The following SEMA5A variants were observed in gnomAD, a reference collection of about 807,000 sequenced individuals.
The protein encoded by SEMA5A is semaphorin-5A.
SEMA5A carries 55 observed loss-of-function variants against 135.5 expected under a neutral mutation model. The ratio of observed to expected loss-of-function variants is 0.41; its 90% confidence interval spans 0.33 to 0.51. The LOEUF is 0.51. SEMA5A is among the 20% of genes least tolerant of loss of function. The pLI is 0.37. For missense variants in SEMA5A, 1,290 were observed against 1,419.9 expected, an observed-to-expected ratio of 0.91 and a Z score of 1.47; for synonymous variants, 580 against 546.5, an observed-to-expected ratio of 1.06 and a Z score of -0.85.
intron 8 of SEMA5A, among the ~76,000 whole-genome samples, chr5:9,208,992 T>G (rs1469871142): frequency 6.6e-6 from 1 of 152,192 alleles, no homozygotes; most frequent in Admixed American, 6.5e-5. Context: ...CTAGCACATT[T>G]GATTCCTTCC....
intron 20 of SEMA5A, among the ~76,000 whole-genome samples, chr5:9,051,355 G>A (rs1403730652): frequency 1.3e-5 from 2 of 152,136 alleles, no homozygotes; most frequent in East Asian, 3.9e-4. Flanking sequence ...TGCAACAAGT[G>A]ATCAGCTATC....
intron 1 of SEMA5A, among the ~76,000 whole-genome samples, chr5:9,496,769 T>C (rs1735324827): frequency 6.6e-6 from 1 of 152,160 alleles, no homozygotes; most frequent in African/African-American, 2.4e-5. Flanking sequence ...GAAGGCTGGG[T>C]CTCCAAAGGG....
At chr5:9,291,587 A>AAG (rs1250749271) in intron 5 of SEMA5A, among the ~76,000 whole-genome samples, 9 of 139,884 alleles carry the variant, frequency 6.4e-5, no homozygotes, top group Non-Finnish European at 1.1e-4. Flanking sequence ...AGAAGCAGGA[A>AAG]AGAGAGAGAG....
intron 15 of SEMA5A, among the ~76,000 whole-genome samples, chr5:9,114,400 T>G (rs1315310345): frequency 6.6e-6 from 1 of 152,212 alleles, no homozygotes; most frequent in African/African-American, 2.4e-5. Flanking sequence ...TACAATAATG[T>G]GAATGTCAAT....
intron 13 of SEMA5A, among the ~76,000 whole-genome samples, chr5:9,123,425 G>C (rs1241053676): frequency 1.3e-5 from 2 of 150,902 alleles, no homozygotes; most frequent in Non-Finnish European, 3.0e-5. Context: ...GAAGAAGAAG[G>C]AAAAGGAGGA....
chr5:9,165,172 C>A (rs770768419), intron 11 of SEMA5A, among the ~76,000 whole-genome samples: 7 of 151,890 alleles, frequency 4.6e-5, no homozygotes, highest in Non-Finnish European at 8.8e-5. Context: ...CAACAGCAGC[C>A]CAAAACACTT....
chr5:9,511,963 T>C (rs1736228027), intron 1 of SEMA5A: 1 of 152,204 alleles, frequency 6.6e-6, no homozygotes, highest in Non-Finnish European at 1.5e-5. Context: ...ATATGATTTG[T>C]CTTCTTCTTT....
At chr5:9,235,172 A>G (rs988900253) in intron 6 of SEMA5A, among the ~76,000 whole-genome samples, 1 of 152,224 alleles carries the variant, frequency 6.6e-6, no homozygotes, top group African/African-American at 2.4e-5. Flanking sequence ...CTTTAGTAGG[A>G]CAAGGAGTAT....
intron 12 of SEMA5A, among the ~76,000 whole-genome samples, chr5:9,151,607 G>T (rs572828753): frequency 6.6e-6 from 1 of 151,916 alleles, no homozygotes; most frequent in African/African-American, 2.4e-5. Flanking sequence ...ACTAGGGAGG[G>T]TTTCCTATCT....
intron 5 of SEMA5A, among the ~76,000 whole-genome samples, chr5:9,266,905 C>A (rs914927951): frequency 3.3e-5 from 5 of 152,160 alleles, no homozygotes; most frequent in African/African-American, 1.2e-4. Flanking sequence ...ACACCTAATA[C>A]AAAATACCTA....
rs1032546138 is a variant in SEMA5A, at chr5:9,122,946, T to A, written c.1600-109A>T. 45 of 1,037,608 alleles carry A rather than the reference T, an allele frequency of 4.3e-5. 1 individual carries two copies. The highest frequency in any genetic ancestry group is 8.0e-6 in the Non-Finnish European group (6 of 747,098). The allele number at this position is 1,037,608 out of a possible 1,614,324, so 64.3% of individuals were successfully genotyped here. A position where few individuals can be genotyped will look rare whatever the true frequency, so the allele number is the denominator to read the frequency against. ...ACAATCAAAACTCCTCTAGAATTTG[T>A]TGTTGTTGTTGCTGCAGTTAGAAAA... On this transcript the variant is annotated intron_variant, in intron 13 of 22. Transcript: ENST00000382496.
intron 15 of SEMA5A, among the ~76,000 whole-genome samples, chr5:9,113,487 G>T (rs1218680991): frequency 3.3e-5 from 5 of 152,156 alleles, no homozygotes; most frequent in African/African-American, 9.7e-5. Flanking sequence ...AAAAATTTGT[G>T]ACGTGATGCA....
intron 10 of SEMA5A, among the ~76,000 whole-genome samples, chr5:9,191,128 T>G (rs1745089709): frequency 6.7e-6 from 1 of 149,994 alleles, no homozygotes; most frequent in Non-Finnish European, 1.5e-5. Context: ...GATGAGGAGG[T>G]AAGGGAAATG....
At chr5:9,071,476 T>C (rs1021478498) in intron 16 of SEMA5A, among the ~76,000 whole-genome samples, 2 of 152,206 alleles carry the variant, frequency 1.3e-5, no homozygotes, top group Admixed American at 6.5e-5. Context: ...TTACCAATCT[T>C]GGGCATAGTA....
chr5:9,094,885 C>T lies in SEMA5A; in HGVS notation c.2073+13255G>A, dbSNP rs553063398. ...CTTATAAAATACTGTAGGAATGTGA[C>T]ATGGAATGTGAAGAGTGTTCTTTGC... On this transcript the variant is annotated intron_variant, in intron 16 of 22. Coordinates refer to ENST00000382496, the MANE Select transcript of SEMA5A (RefSeq NM_003966.3). Among the ~76,000 whole-genome samples the T allele has an allele frequency of 1.3e-5, 2 of 151,948 alleles. 1 individual carries two copies. The highest frequency in any genetic ancestry group is 4.1e-4 in the South Asian group (2 of 4,824).
At chr5:9,292,710 A>G (rs906833293) in intron 5 of SEMA5A, among the ~76,000 whole-genome samples, 7 of 152,216 alleles carry the variant, frequency 4.6e-5, no homozygotes, top group Non-Finnish European at 2.9e-5. Flanking sequence ...AAAAAAATCA[A>G]CTGTTTAGAT....
intron 16 of SEMA5A, among the ~76,000 whole-genome samples, chr5:9,069,963 G>C (rs371376159): frequency 1.7e-3 from 265 of 152,220 alleles, no homozygotes; most frequent in African/African-American, 6.1e-3. Context: ...CTAGTGTGGG[G>C]ATGCTCTCAC....
intron 1 of SEMA5A, among the ~76,000 whole-genome samples, chr5:9,441,959 T>A (rs1223832825): frequency 6.6e-6 from 1 of 151,976 alleles, no homozygotes; most frequent in Non-Finnish European, 1.5e-5. Flanking sequence ...ATGAGCAAAC[T>A]TTGGGAGGGT....
At chr5:9,300,959 G>C (rs1468920081) in intron 5 of SEMA5A, among the ~76,000 whole-genome samples, 1 of 152,106 alleles carries the variant, frequency 6.6e-6, no homozygotes, top group African/African-American at 2.4e-5. Context: ...CACTGTAAAA[G>C]GATAGATTTT....
Sources: allele counts gnomAD v4.1 joint callset (sites outside exome capture counted in the v4.1 genomes callset), GRCh38; gene constraint gnomAD v4.1.1; transcripts MANE v1.5; gene names NCBI Gene and HGNC (gene_info 2026-07-23, HGNC 2026-07-21).